Variants in SUCLA2 observed in about 807,000 individuals in gnomAD.
SUCLA2 encodes the protein succinate--CoA ligase [ADP-forming] subunit beta, mitochondrial.
Under a neutral mutation model 54.8 loss-of-function variants are expected in SUCLA2, and 30 were observed. The ratio of observed to expected loss-of-function variants is 0.55; its 90% CI spans 0.41 to 0.74. The LOEUF is 0.74. Ranked by LOEUF, SUCLA2 falls within the 30% of genes least tolerant of loss-of-function variation. The pLI, the probability that SUCLA2 is intolerant of heterozygous loss-of-function variation, is 0.00. For synonymous variants in SUCLA2, 172 were observed against 188.9 expected (o/e 0.91, Z 0.74); for missense variants, 476 against 562.9 (o/e 0.85, Z 1.56).
At chr13:47,965,494 T>TAAAAAAAAAAAACAAACAAA (rs1949909897) in intron 6 of SUCLA2, 3 of 299,350 alleles carry the variant, frequency 1.0e-5, no homozygotes, top group African/African-American at 8.0e-5. Flanking sequence ...ACCCCTTCTT[T>TAAAAAAAAAAAACAAACAAA]AAAAAAAAAA....
chr13:48,000,139 A>G (rs79735665), intron 1 of SUCLA2, among the ~76,000 whole-genome samples: 9,857 of 146,812 alleles, frequency 0.067, 589 homozygotes, highest in East Asian at 0.17. Flanking sequence ...ATAAAAATGA[A>G]AAAAAAAAAA....
At chr13:47,990,820 T>C (rs1950144099) in intron 2 of SUCLA2, among the ~76,000 whole-genome samples, 1 of 152,144 alleles carries the variant, frequency 6.6e-6, no homozygotes, top group South Asian at 2.1e-4. Flanking sequence ...GAAATGGAGT[T>C]TGAAACCAAA....
intron 4 of SUCLA2, among the ~76,000 whole-genome samples, chr13:47,985,640 G>A (rs1440765548): frequency 6.6e-6 from 1 of 152,120 alleles, no homozygotes; most frequent in Non-Finnish European, 1.5e-5. Context: ...TCTATCATCG[G>A]TGGATGTTTA....
Position 47,971,454 on chromosome 13 carries a change from T to C in SUCLA2, c.663+1810A>G, listed in dbSNP as rs117136950. On this transcript the variant is annotated intron_variant, in intron 5 of 10. Transcript: ENST00000646932. ...ACAAACGAAAAGATGAGTCACTTAT[T>C]TTTATATCCAAAGCAAACAATTTAA... 430 of 157,202 alleles carry C rather than the reference T, an allele frequency of 2.7e-3. 4 individuals carry two copies. The highest frequency in any genetic ancestry group is 5.0e-3 in the Admixed American group (77 of 15,430). The allele number at this position is 157,202 out of a possible 1,614,324, so 9.7% of individuals were successfully genotyped here. A position where few individuals can be genotyped will look rare whatever the true frequency, so the allele number is the denominator to read the frequency against.
intron 2 of SUCLA2, among the ~76,000 whole-genome samples, chr13:47,989,216 T>TC (rs1027689035): frequency 3.3e-5 from 5 of 150,712 alleles, no homozygotes; most frequent in Non-Finnish European, 7.4e-5. Context: ...ACCATTTCTT[T>TC]TTTTTTTTTT....
chr13:47,961,038 G>A (rs1949866737), intron 6 of SUCLA2, among the ~76,000 whole-genome samples: 1 of 152,144 alleles, frequency 6.6e-6, no homozygotes, highest in African/African-American at 2.4e-5. Flanking sequence ...AGAAGAACAT[G>A]GTTTTCTTGG....
chr13:47,949,070 C>T (rs1408427519), intron 9 of SUCLA2, 42 bp from the exon 10 acceptor site: 1 of 1,579,092 alleles, frequency 6.3e-7, no homozygotes, highest in Admixed American at 1.7e-5. Context: ...TAAATACACA[C>T]ACAAAAGCAT....
At chr13:47,946,454 A>G (rs1234119670) in intron 10 of SUCLA2, among the ~76,000 whole-genome samples, 1 of 152,186 alleles carries the variant, frequency 6.6e-6, no homozygotes, top group Non-Finnish European at 1.5e-5. Context: ...AAAAAAGGTA[A>G]AAAGGTTGCC....
At chr13:47,974,077 T>TA (rs1382263536) in intron 4 of SUCLA2, among the ~76,000 whole-genome samples, 6 of 114,042 alleles carry the variant, frequency 5.3e-5, no homozygotes, top group South Asian at 2.8e-4. Flanking sequence ...TCCCAGAACT[T>TA]AAAGTATAAT....
In SUCLA2 at chr13:47,990,193, C is replaced by T. The variant is rs560556568; in HGVS notation, c.272-1212G>A. 1.7e-4 allele frequency among the ~76,000 whole-genome samples: 26 copies of T among 152,224 alleles called. No individual in the cohort carries two copies. In the South Asian group the frequency reaches 5.2e-3, roughly 30 times the overall value. ...TGAAATCTCATCTCTATTAAAAATA[C>T]AAAAATTAGCCAGGCATGGTGGTAC... On this transcript the variant is annotated intron_variant, in intron 2 of 10. Transcript: ENST00000646932.
Position 47,966,525 on chromosome 13 carries a change from TA to T in SUCLA2, c.802+2069del, listed in dbSNP as rs372783186. On this transcript the variant is annotated intron_variant, in intron 6 of 10. Transcript: ENST00000646932. ...CTGGTGCAAAAGTAATTGCCGTTTT[TA>T]AAAAAAAAAAAAAAAGGCAAAAACT... is the stretch of plus-strand genomic sequence containing the variant. 6.2e-3 allele frequency among the ~76,000 whole-genome samples: 872 copies of T among 141,218 alleles called. 4 individuals carry two copies. Among genetic ancestry groups the T allele is most frequent in the African/African-American group, 0.018 (690 of 38,330 alleles). The allele number at this position is 141,218 out of a possible 152,430, so 92.6% of individuals were successfully genotyped here.
At chr13:47,990,095 C>T (rs1950137773) in intron 2 of SUCLA2, among the ~76,000 whole-genome samples, 1 of 152,160 alleles carries the variant, frequency 6.6e-6, no homozygotes, top group Non-Finnish European at 1.5e-5. Context: ...CTCCTGTAAT[C>T]CCAGCCCTTT....
chr13:47,949,412 C>A, intron 9 of SUCLA2, 71 bp downstream of exon 9: 1 of 1,553,724 alleles, frequency 6.4e-7, no homozygotes, highest in Non-Finnish European at 8.9e-7. Flanking sequence ...TATGTTTTAA[C>A]AAACTGAACT....
chr13:47,989,198 T>C (rs1950130726), intron 2 of SUCLA2, among the ~76,000 whole-genome samples: 2 of 146,860 alleles, frequency 1.4e-5, no homozygotes, highest in African/African-American at 5.1e-5. Context: ...ATTCGTCACT[T>C]ACATTAAACC....
chr13:47,995,421 T>A (rs1378416344), intron 2 of SUCLA2, among the ~76,000 whole-genome samples: 1 of 151,768 alleles, frequency 6.6e-6, no homozygotes. Flanking sequence ...TTAACAACAA[T>A]AAAAACAACA....
intron 2 of SUCLA2, among the ~76,000 whole-genome samples, chr13:47,992,334 A>T (rs1398287724): frequency 6.6e-6 from 1 of 151,482 alleles, no homozygotes; most frequent in African/African-American, 2.4e-5. Flanking sequence ...TTAAGGGCAA[A>T]AGATGATTCT....
In SUCLA2 at chr13:47,954,146, A is replaced by G. The variant is rs1411239665; in HGVS notation, c.1101T>C (p.Asp367=). 5 of 1,613,232 alleles carry G rather than the reference A, an allele frequency of 3.1e-6. No homozygotes were observed. Among genetic ancestry groups the G allele is most frequent in the Non-Finnish European group, 4.2e-6 (5 of 1,179,544 alleles). ...VTEAFKLITS[D]KKVLAILVNI... Reference sequence around the variant, plus strand: ...TATCAAGCCCTGCCCTTACCTTTTTATCTGAAGTGATAAGCTTAAATGCTT... The same window carrying G: ...TATCAAGCCCTGCCCTTACCTTTTTGTCTGAAGTGATAAGCTTAAATGCTT... The change falls in exon 8 of 11, where the codon GAT becomes GAC. Residue 367 remains aspartate, a synonymous_variant. Transcript: ENST00000646932.
chr13:47,956,186 G>C (rs776028104), intron 6 of SUCLA2, among the ~76,000 whole-genome samples: 1 of 152,056 alleles, frequency 6.6e-6, no homozygotes, highest in Non-Finnish European at 1.5e-5. Flanking sequence ...AGAAAATATG[G>C]TCATAATAAA....
chr13:47,945,148 C>A (rs1486737373), intron 10 of SUCLA2, among the ~76,000 whole-genome samples: 3 of 150,060 alleles, frequency 2.0e-5, no homozygotes, highest in Non-Finnish European at 4.4e-5. Context: ...GCTTGGGAGG[C>A]TGAGGCAGGA....
Sources: gnomAD v4.1 joint callset for allele counts (sites outside exome capture counted in the v4.1 genomes callset) on GRCh38, gnomAD v4.1.1 for gene constraint, MANE v1.5 for transcripts, NCBI Gene and HGNC (gene_info 2026-07-23, HGNC 2026-07-21) for gene names.